EYS: variants seen among roughly 807,000 people sequenced by gnomAD.
EYS encodes the protein EGF-like photoreceptor maintenance factor.
Under a neutral mutation model 282.1 loss-of-function variants are expected in EYS, and 250 were observed. That is an observed-to-expected ratio of 0.89 (90% CI 0.80 to 0.98). The LOEUF (loss-of-function observed/expected upper bound fraction) is 0.98, where lower values mean the gene tolerates loss of function less well. Among genes scored for constraint, EYS ranks in the 50% least tolerant of loss-of-function variants. The pLI is 0.00. For missense variants in EYS, 4,016 were observed against 3,709.0 expected (o/e 1.08, Z -2.15); for synonymous variants, 1,355 against 1,282.9 (o/e 1.06, Z -1.20).
intron 2 of EYS, among the ~76,000 whole-genome samples, chr6:65,590,473 T>A (rs1765192523): frequency 6.6e-6 from 1 of 152,100 alleles, no homozygotes; most frequent in Non-Finnish European, 1.5e-5. Context: ...ATCATTTCTT[T>A]GTGGTGAGAA....
intron 12 of EYS, among the ~76,000 whole-genome samples, chr6:65,265,479 CTG>C (rs2150261280): frequency 6.6e-6 from 1 of 152,042 alleles, no homozygotes; most frequent in South Asian, 2.1e-4. Context: ...TGTTTGCTGA[CTG>C]GACCTGGAAC....
At chr6:64,250,463 G>A (rs1444881196) in intron 30 of EYS, among the ~76,000 whole-genome samples, 3 of 152,080 alleles carry the variant, frequency 2.0e-5, no homozygotes, top group African/African-American at 4.8e-5. Context: ...ACTGCATCAG[G>A]GGAATGATTT....
At chr6:63,740,673 T>TC (rs764753223) in intron 41 of EYS, among the ~76,000 whole-genome samples, 7 of 152,220 alleles carry the variant, frequency 4.6e-5, no homozygotes, top group Non-Finnish European at 1.0e-4. Flanking sequence ...TGAAGAAATA[T>TC]TTAGAATGGA....
chr6:63,843,164 T>C (rs141697797), intron 36 of EYS, among the ~76,000 whole-genome samples: 18,311 of 152,212 alleles, frequency 0.12, 1,327 homozygotes, highest in African/African-American at 0.19. Flanking sequence ...GGTAGCTTGA[T>C]AGGAATAGCA....
At chr6:65,274,504 C>T (rs1767989833) in intron 12 of EYS, among the ~76,000 whole-genome samples, 1 of 152,148 alleles carries the variant, frequency 6.6e-6, no homozygotes, top group Admixed American at 6.5e-5. Context: ...ATCTAGCAAA[C>T]TGTTTTCTTC....
At chr6:65,012,475 A>G (rs1771904321) in intron 13 of EYS, among the ~76,000 whole-genome samples, 1 of 152,228 alleles carries the variant, frequency 6.6e-6, no homozygotes, top group Non-Finnish European at 1.5e-5. Flanking sequence ...CAGAAAATAT[A>G]CAGTCATCAT....
intron 12 of EYS, among the ~76,000 whole-genome samples, chr6:65,141,645 GTCTGTCTATCTATCTATCTATCTA>G (rs1215403197): frequency 2.8e-4 from 37 of 131,000 alleles, no homozygotes; most frequent in Non-Finnish European, 2.2e-4. Context: ...CTGTCTGTCT[GTCTGTCTATCTATCTATCTATCTA>G]TCTATCTATC....
intron 33 of EYS, among the ~76,000 whole-genome samples, chr6:64,048,692 A>T (rs1770707569): frequency 1.3e-5 from 2 of 150,692 alleles, no homozygotes; most frequent in South Asian, 4.2e-4. Flanking sequence ...TCATCTAGTC[A>T]TTTTTTTTTG....
chr6:64,561,758 A>C (rs930493053), intron 26 of EYS, among the ~76,000 whole-genome samples: 2 of 152,134 alleles, frequency 1.3e-5, no homozygotes, highest in African/African-American at 4.8e-5. Flanking sequence ...ACCCAAAGCA[A>C]TTTACAGATG....
intron 35 of EYS, among the ~76,000 whole-genome samples, chr6:63,869,621 T>C (rs1293732839): frequency 4.6e-5 from 7 of 152,186 alleles, no homozygotes; most frequent in African/African-American, 4.8e-5. Flanking sequence ...ATGGCCATTA[T>C]CTAAATACAT....
At chr6:64,696,644 C>G (rs1770591960) in intron 22 of EYS, among the ~76,000 whole-genome samples, 2 of 152,108 alleles carry the variant, frequency 1.3e-5, no homozygotes, top group Non-Finnish European at 2.9e-5. Context: ...CCCCATCAGA[C>G]TAACAGCAGA....
Position 64,273,927 on chromosome 6 carries a change from G to T in EYS, c.6191+33043C>A, listed in dbSNP as rs149194585. On this transcript the variant is annotated intron_variant, in intron 30 of 42. Transcript: ENST00000503581. ...ATTTCCTTGTATGTAGACACTTGTT[G>T]CCATTTGGTAGGATTTCAGGTACTG... is the stretch of plus-strand genomic sequence containing the variant. 3.4e-3 allele frequency among the ~76,000 whole-genome samples: 517 copies of T among 152,232 alleles called. 10 individuals are homozygous for T. Among genetic ancestry groups the T allele is most frequent in the Admixed American group, 0.03 (461 of 15,282 alleles).
chr6:65,070,868 A>T (rs1350183412), intron 12 of EYS, among the ~76,000 whole-genome samples: 1 of 151,950 alleles, frequency 6.6e-6, no homozygotes, highest in Non-Finnish European at 1.5e-5. Flanking sequence ...GGCACTATTC[A>T]TAATCCAATA....
At chr6:65,372,551 AT>A (rs961910482) in intron 8 of EYS, among the ~76,000 whole-genome samples, 18 of 150,984 alleles carry the variant, frequency 1.2e-4, no homozygotes, top group East Asian at 7.8e-4. Flanking sequence ...TAACTATAGG[AT>A]TTTTTTTTGC....
intron 1 of EYS, among the ~76,000 whole-genome samples, chr6:65,682,126 A>G (rs762495829): frequency 6.6e-6 from 1 of 152,006 alleles, no homozygotes; most frequent in Non-Finnish European, 1.5e-5. Context: ...TGTTGAATAA[A>G]GTTTGCCTCC....
At chr6:63,947,673 G>T (rs1765439394) in intron 35 of EYS, among the ~76,000 whole-genome samples, 3 of 152,070 alleles carry the variant, frequency 2.0e-5, no homozygotes, top group Admixed American at 6.6e-5. Flanking sequence ...CTGTATGCCA[G>T]CAAAGTCAGT....
At position 65,587,089 on chromosome 6, in the gene EYS, A is replaced by ATCTACCATCT. The variant is rs558914766; in HGVS notation, c.-333+52688_-333+52689insAGATGGTAGA. 1.8e-4 allele frequency among the ~76,000 whole-genome samples: 28 copies of ATCTACCATCT among 152,224 alleles called. No individual in the cohort carries two copies. In the East Asian group the frequency reaches 4.8e-3, roughly 26 times the overall value. ...TTCCATATTTTAGGCTACCATTGAG[A>ATCTACCATCT]AGATGTTTCTCTAAGCAACATTTGA... On this transcript the variant is annotated intron_variant, in intron 2 of 42. Transcript: ENST00000503581.
intron 1 of EYS, among the ~76,000 whole-genome samples, chr6:65,642,233 G>C (rs534708163): frequency 3.9e-5 from 6 of 151,910 alleles, no homozygotes; most frequent in Admixed American, 6.6e-5. Context: ...TTTGTGTTTC[G>C]GTGGGTACAT....
At chr6:65,449,286 C>A (rs193056739) in intron 5 of EYS, among the ~76,000 whole-genome samples, 137 of 152,168 alleles carry the variant, frequency 9.0e-4, no homozygotes, top group Non-Finnish European at 1.1e-3. Context: ...ATAGCATAGA[C>A]GGCCAGTCAT....
Sources: gnomAD v4.1 joint callset for allele counts (sites outside exome capture counted in the v4.1 genomes callset) on GRCh38, gnomAD v4.1.1 for gene constraint, MANE v1.5 for transcripts, NCBI Gene and HGNC (gene_info 2026-07-23, HGNC 2026-07-21) for gene names.